RGS6: variants seen among roughly 807,000 people sequenced by gnomAD.
RGS6 encodes regulator of G protein signaling 6, also known as regulator of G-protein signaling 6.
A neutral mutation model predicts 78.5 loss-of-function variants in RGS6; 30 were observed. The ratio of observed to expected loss-of-function variants is 0.38; its 90% CI spans 0.29 to 0.52. The LOEUF (loss-of-function observed/expected upper bound fraction) is 0.52, where lower values mean the gene tolerates loss of function less well. Ranked by LOEUF, RGS6 falls within the 20% of genes least tolerant of loss-of-function variation. The pLI, the probability that RGS6 is intolerant of heterozygous loss-of-function variation, is 0.85. For synonymous variants in RGS6, 206 were observed against 206.0 expected (o/e 1.00, Z 0.00); for missense variants, 495 against 609.7 (o/e 0.81, Z 1.98).
chr14:72,482,512 C>T (rs529453439), intron 12 of RGS6, among the ~76,000 whole-genome samples: 5 of 152,206 alleles, frequency 3.3e-5, no homozygotes, highest in Non-Finnish European at 7.3e-5. Context: ...CTATGTGCCA[C>T]CTGGCTCCAC....
chr14:72,081,414 T>C lies in RGS6; in HGVS notation c.84+116539T>C, dbSNP rs149658124. ...CTTTTTATTTGATTGAGATGCTTTC[T>C]TAGATACCAGTATTGGTATACTTTC... On this transcript the variant is annotated intron_variant, in intron 2 of 17. Transcript: ENST00000553525. 8.7e-4 allele frequency among the ~76,000 whole-genome samples: 132 copies of C among 152,230 alleles called. 1 individual carries two copies. In the East Asian group the frequency reaches 0.023, roughly 26 times the overall value.
At chr14:72,237,998 G>T (rs2051612043) in intron 2 of RGS6, among the ~76,000 whole-genome samples, 1 of 152,130 alleles carries the variant, frequency 6.6e-6, no homozygotes, top group Non-Finnish European at 1.5e-5. Context: ...GAAGAATCAG[G>T]TCACATAGGC....
chr14:72,192,047 A>G (rs1431953470), intron 2 of RGS6, among the ~76,000 whole-genome samples: 1 of 152,174 alleles, frequency 6.6e-6, no homozygotes, highest in African/African-American at 2.4e-5. Context: ...GTTTATTAAC[A>G]CCAAACTCCT....
At chr14:72,163,684 ACCAG>A (rs2096883847) in intron 2 of RGS6, among the ~76,000 whole-genome samples, 2 of 152,252 alleles carry the variant, frequency 1.3e-5, no homozygotes, top group Non-Finnish European at 2.9e-5. Flanking sequence ...GGCGTTCGAG[ACCAG>A]CCTGGCCAAC....
chr14:72,050,270 A>C (rs920613206), intron 2 of RGS6, among the ~76,000 whole-genome samples: 4 of 152,238 alleles, frequency 2.6e-5, no homozygotes, highest in Non-Finnish European at 4.4e-5. Flanking sequence ...TAGTTTCACC[A>C]TCTGGAACTG....
chr14:72,534,482 C>T (rs1192977370), intron 15 of RGS6, among the ~76,000 whole-genome samples: 1 of 152,220 alleles, frequency 6.6e-6, no homozygotes, highest in East Asian at 1.9e-4. Flanking sequence ...TTTCACTTAA[C>T]CTAATGTTCT....
chr14:72,498,062 T>C (rs1262735219), intron 13 of RGS6, among the ~76,000 whole-genome samples: 1 of 152,204 alleles, frequency 6.6e-6, no homozygotes, highest in Non-Finnish European at 1.5e-5. Context: ...TCTGTGATTT[T>C]ATACTTTAGA....
chr14:72,040,222 C>T (rs2092266259), intron 2 of RGS6, among the ~76,000 whole-genome samples: 1 of 151,992 alleles, frequency 6.6e-6, no homozygotes, highest in African/African-American at 2.4e-5. Flanking sequence ...TTGACCTTTA[C>T]CAGGGAGCTT....
rs141413412 is a variant in RGS6 at position 72,406,185 on chromosome 14, G to A, written c.185-48343G>A. On this transcript the variant is annotated intron_variant, in intron 3 of 17. Transcript: ENST00000553525. Reference sequence around the variant, plus strand: ...GCAGATCATGAGGTCAGGAGATCAAGACCATCCTGGCCAACATAGTGAAAC... The same window carrying A: ...GCAGATCATGAGGTCAGGAGATCAAAACCATCCTGGCCAACATAGTGAAAC... Among the ~76,000 whole-genome samples the A allele has an allele frequency of 8.8e-4, 134 of 152,250 alleles. 3 individuals are homozygous for A. The East Asian group carries it at 0.023, about 26-fold the overall frequency.
At chr14:71,991,364 A>G (rs888734853) in intron 2 of RGS6, among the ~76,000 whole-genome samples, 1 of 152,034 alleles carries the variant, frequency 6.6e-6, no homozygotes, top group African/African-American at 2.4e-5. Flanking sequence ...CCACATTCCT[A>G]TCTGTGAGAG....
At chr14:72,494,235 C>T (rs983602103) in intron 12 of RGS6, among the ~76,000 whole-genome samples, 5 of 152,156 alleles carry the variant, frequency 3.3e-5, no homozygotes, top group African/African-American at 1.2e-4. Flanking sequence ...GAACAGCAAA[C>T]AATTTTTATC....
At chr14:72,149,138 C>T (rs2096647559) in intron 2 of RGS6, among the ~76,000 whole-genome samples, 1 of 152,162 alleles carries the variant, frequency 6.6e-6, no homozygotes. Context: ...GGCTGGAGCA[C>T]CTACTCGTGT....
intron 2 of RGS6, among the ~76,000 whole-genome samples, chr14:72,340,065 G>A (rs554118877): frequency 1.4e-4 from 21 of 152,256 alleles, no homozygotes; most frequent in African/African-American, 4.3e-4. Flanking sequence ...CAGTTTCCCA[G>A]CACCTAGCAT....
At chr14:72,448,683 C>T (rs755291688) in intron 3 of RGS6, among the ~76,000 whole-genome samples, 109 of 152,018 alleles carry the variant, frequency 7.2e-4, no homozygotes, top group Non-Finnish European at 1.3e-3. Flanking sequence ...AATAATAGTA[C>T]CAATTATTAT....
chr14:71,884,229 C>T, the RGS6 span, among the ~76,000 whole-genome samples: 1 of 152,140 alleles, frequency 6.6e-6, no homozygotes, highest in African/African-American at 2.4e-5. Context: ...AACAACACCT[C>T]CTGCGAGCCA....
intron 3 of RGS6, among the ~76,000 whole-genome samples, chr14:72,428,672 G>T (rs1267002333): frequency 6.6e-6 from 1 of 152,222 alleles, no homozygotes; most frequent in East Asian, 1.9e-4. Flanking sequence ...AACAACTGAA[G>T]AGCAGCCTTG....
chr14:72,233,883 G>A (rs2050302700), intron 2 of RGS6, among the ~76,000 whole-genome samples: 1 of 152,150 alleles, frequency 6.6e-6, no homozygotes, highest in African/African-American at 2.4e-5. Flanking sequence ...TCAAGACCTT[G>A]GCTGTTTGTG....
intron 2 of RGS6, among the ~76,000 whole-genome samples, chr14:72,172,372 A>G (rs1235507267): frequency 6.6e-6 from 1 of 151,566 alleles, no homozygotes; most frequent in Non-Finnish European, 1.5e-5. Flanking sequence ...TTAGTAAGTG[A>G]TATTAGTTAC....
chr14:72,137,880 ATGAT>A (rs1316570665), intron 2 of RGS6, among the ~76,000 whole-genome samples: 7 of 152,170 alleles, frequency 4.6e-5, no homozygotes, highest in Non-Finnish European at 5.9e-5. Context: ...TTACATAAAT[ATGAT>A]TGATCAACTC....
Sources: gnomAD v4.1 joint callset for allele counts (sites outside exome capture counted in the v4.1 genomes callset) on GRCh38, gnomAD v4.1.1 for gene constraint, MANE v1.5 for transcripts, NCBI Gene and HGNC (gene_info 2026-07-23, HGNC 2026-07-21) for gene names.